Variants in ATP2B2 observed in about 807,000 individuals in gnomAD.
ATP2B2 encodes the protein plasma membrane calcium-transporting ATPase 2.
In ATP2B2, 15 loss-of-function variants were observed where a neutral mutation model predicts 120.0. The observed-to-expected ratio is 0.12, with a 90% CI of 0.08 to 0.19. ATP2B2 has a LOEUF of 0.19. Among genes scored for constraint, ATP2B2 ranks in the 10% least tolerant of loss-of-function variants. ATP2B2 has a pLI of 1.00. For missense variants in ATP2B2, 1,045 were observed against 1,719.8 expected (o/e 0.61, Z 6.94); for synonymous variants, 694 against 700.3 (o/e 0.99, Z 0.14).
intron 1 of ATP2B2, among the ~76,000 whole-genome samples, chr3:10,633,093 C>T (rs1489328409): frequency 6.6e-6 from 1 of 152,220 alleles, no homozygotes; most frequent in Non-Finnish European, 1.5e-5. Flanking sequence ...GGGCCCTGAG[C>T]CATGTGGGCC....
chr3:10,408,358 G>C (rs1232018348), intron 3 of ATP2B2, among the ~76,000 whole-genome samples: 1 of 152,130 alleles, frequency 6.6e-6, no homozygotes, highest in Non-Finnish European at 1.5e-5. Flanking sequence ...GTTTGTTTTT[G>C]CACTTGGTGG....
At chr3:10,496,560 A>G (rs1347974677) in intron 1 of ATP2B2, among the ~76,000 whole-genome samples, 1 of 151,698 alleles carries the variant, frequency 6.6e-6, no homozygotes. Flanking sequence ...TTCTCTCCCT[A>G]CCTTGTTTCC....
intron 1 of ATP2B2, among the ~76,000 whole-genome samples, chr3:10,633,886 CT>C: frequency 6.6e-6 from 1 of 152,320 alleles, no homozygotes; most frequent in East Asian, 1.9e-4. Flanking sequence ...CAAGAAATGC[CT>C]GATACTCACT....
chr3:10,396,681 A>G (rs1377292271), intron 5 of ATP2B2, among the ~76,000 whole-genome samples: 1 of 152,250 alleles, frequency 6.6e-6, no homozygotes, highest in Non-Finnish European at 1.5e-5. Flanking sequence ...TGGGGGAGGC[A>G]GGCTGCTGCA....
chr3:10,625,920 G>A (rs553815521), intron 1 of ATP2B2: 2 of 152,362 alleles, frequency 1.3e-5, no homozygotes, highest in African/African-American at 4.8e-5. Context: ...AATAGCATCA[G>A]CAGTCTGCCT....
Position 10,375,495 on chromosome 3 carries a change from G to A in ATP2B2, c.1351C>T (p.Leu451=), listed in dbSNP as rs1332792266. 1 of 1,613,666 alleles carries A rather than the reference G, an allele frequency of 6.2e-7. No individual in the cohort carries two copies. Among genetic ancestry groups the A allele is most frequent in the Admixed American group, 1.7e-5 (1 of 60,024 alleles). ...VKFFIIGVTV[L]VVAVPEGLPL... Reference sequence around the variant, plus strand: ...AGCCCCTCGGGCACGGCGACCACCAGCACCGTCACGCCAATGATGAAGAAC... The same window carrying A: ...AGCCCCTCGGGCACGGCGACCACCAACACCGTCACGCCAATGATGAAGAAC... The change falls in exon 11 of 23, where the codon CTG becomes TTG. Residue 451 remains leucine, a synonymous_variant. Transcript: ENST00000360273. This position sits in a 1 kb window ranked among gnomAD's most constrained non-coding sequence, Gnocchi z 4.2.
At chr3:10,541,327 C>T (rs1044903764) in intron 2 of ATP2B2, among the ~76,000 whole-genome samples, 1 of 151,942 alleles carries the variant, frequency 6.6e-6, no homozygotes, top group South Asian at 2.1e-4. Context: ...TTATTTTGCT[C>T]TTCCTTTTCT....
chr3:10,659,023 C>A (rs1402007761), intron 1 of ATP2B2, among the ~76,000 whole-genome samples: 1 of 152,084 alleles, frequency 6.6e-6, no homozygotes, highest in Non-Finnish European at 1.5e-5. Flanking sequence ...GGAATAAAAT[C>A]CTTTACAGAC....
At chr3:10,331,248 T>C (rs2059971148) in intron 22 of ATP2B2, among the ~76,000 whole-genome samples, 1 of 152,252 alleles carries the variant, frequency 6.6e-6, no homozygotes, top group Admixed American at 6.5e-5. Flanking sequence ...GTTCATATTC[T>C]GATCTCCTGA....
chr3:10,449,645 G>C lies in ATP2B2; in HGVS notation c.-102C>G, dbSNP rs939352312. ...GGCTGTCCTCAGCACACCCTCACTG[G>C]TCAGCTGTGGCACCAGGCGGCCGAC... On this transcript the variant is annotated 5_prime_UTR_variant, in exon 2 of 23. Transcript: ENST00000360273. 13 of 1,458,154 alleles carry C rather than the reference G, an allele frequency of 8.9e-6. No individual in the cohort carries two copies. The highest frequency in any genetic ancestry group is 6.8e-5 in the Admixed American group (4 of 59,132). The allele number at this position is 1,458,154 out of a possible 1,614,324, so 90.3% of individuals were successfully genotyped here. A position where few individuals can be genotyped will look rare whatever the true frequency, so the allele number is the denominator to read the frequency against.
At chr3:10,543,235 T>A (rs1436302588) in intron 2 of ATP2B2, among the ~76,000 whole-genome samples, 1 of 152,236 alleles carries the variant, frequency 6.6e-6, no homozygotes, top group Non-Finnish European at 1.5e-5. Context: ...TCCAGAATTG[T>A]GAGAAAATAA....
intron 1 of ATP2B2, among the ~76,000 whole-genome samples, chr3:10,485,901 C>T (rs2065630465): frequency 6.6e-6 from 1 of 152,174 alleles, no homozygotes; most frequent in African/African-American, 2.4e-5. Context: ...GAGATCCATG[C>T]TCTGAGCACC....
At chr3:10,706,694 G>C (rs988533537) in intron 1 of ATP2B2, among the ~76,000 whole-genome samples, 3 of 152,154 alleles carry the variant, frequency 2.0e-5, no homozygotes, top group Non-Finnish European at 2.9e-5. Context: ...CATACACTAA[G>C]CATGGGCATA....
At chr3:10,383,146 A>ATAC (rs2061579525) in intron 8 of ATP2B2, among the ~76,000 whole-genome samples, 1 of 151,340 alleles carries the variant, frequency 6.6e-6, no homozygotes, top group Non-Finnish European at 1.5e-5. Context: ...TATAATAATA[A>ATAC]TAAAATAAAA....
At chr3:10,500,341 T>C (rs1305267909) in intron 1 of ATP2B2, among the ~76,000 whole-genome samples, 1 of 151,990 alleles carries the variant, frequency 6.6e-6, no homozygotes, top group Non-Finnish European at 1.5e-5. Flanking sequence ...TTATGAGCAA[T>C]AAACACCTCA....
At chr3:10,372,239 G>A (rs906945010) in intron 11 of ATP2B2, among the ~76,000 whole-genome samples, 188 bp from the exon 12 acceptor site, 1 of 152,192 alleles carries the variant, frequency 6.6e-6, no homozygotes, top group Non-Finnish European at 1.5e-5. Flanking sequence ...TTGTCTGCGC[G>A]TGGCCCTTTC....
At chr3:10,394,307 G>T (rs1222894860) in intron 5 of ATP2B2, among the ~76,000 whole-genome samples, 1 of 152,074 alleles carries the variant, frequency 6.6e-6, no homozygotes, top group African/African-American at 2.4e-5. Flanking sequence ...TATTAATGCA[G>T]TTAATAACAC....
At chr3:10,504,575 C>T (rs888420791) in intron 1 of ATP2B2, among the ~76,000 whole-genome samples, 7 of 152,126 alleles carry the variant, frequency 4.6e-5, no homozygotes, top group Non-Finnish European at 7.4e-5. Context: ...CCCCCAACCC[C>T]CAACCCCCAA....
At position 10,582,381 on chromosome 3, in the gene ATP2B2, T is replaced by C. The variant is rs17033108; in HGVS notation, c.-415+37536A>G. Among the ~76,000 whole-genome samples, 504 of 152,280 alleles carry C rather than the reference T, an allele frequency of 3.3e-3. 3 individuals are homozygous for C. The highest frequency in any genetic ancestry group is 0.012 in the African/African-American group (478 of 41,546). ...CTCAAGGAGACATTCTACATCTTTC[T>C]TTCAACAACACACAGGGACACCTGA... On this transcript the variant is annotated intron_variant, in intron 2 of 21. Coordinates refer to the ATP2B2 transcript ENST00000646379.
Sources: gnomAD v4.1 joint callset for allele counts (sites outside exome capture counted in the v4.1 genomes callset) on GRCh38, gnomAD v4.1.1 for gene constraint, Gnocchi (gnomAD v3.1) non-coding constraint, MANE v1.5 for transcripts, NCBI Gene and HGNC (gene_info 2026-07-23, HGNC 2026-07-21) for gene names.